The following MLLT3 variants were observed in gnomAD, a reference collection of about 807,000 sequenced individuals.
MLLT3 encodes MLLT3 super elongation complex subunit.
Under a neutral mutation model 53.2 loss-of-function variants are expected in MLLT3, and 4 were observed. The observed-to-expected ratio is 0.08, with a 90% confidence interval of 0.04 to 0.17. The LOEUF (loss-of-function observed/expected upper bound fraction) is 0.17, where lower values mean the gene tolerates loss of function less well. Among genes scored for constraint, MLLT3 ranks in the 10% least tolerant of loss-of-function variants. The pLI is 1.00. For missense variants in MLLT3, 569 were observed against 684.0 expected (o/e 0.83, Z 1.87); for synonymous variants, 283 against 230.6 (o/e 1.23, Z -2.06).
At chr9:20,465,872 G>A (rs1824225992) in intron 2 of MLLT3, among the ~76,000 whole-genome samples, 2 of 152,040 alleles carry the variant, frequency 1.3e-5, no homozygotes, top group South Asian at 4.1e-4. Flanking sequence ...ATATGATGAC[G>A]ACAGTTTATA....
At chr9:20,488,677 T>C (rs1013136713) in intron 2 of MLLT3, among the ~76,000 whole-genome samples, 2 of 152,188 alleles carry the variant, frequency 1.3e-5, no homozygotes, top group East Asian at 1.9e-4. Context: ...AAAGAGCTTC[T>C]GAAAGATTTG....
chr9:20,622,367 G>A lies in MLLT3; in HGVS notation c.-111C>T, dbSNP rs1327653274. The A allele has an allele frequency of 9.8e-7, 1 of 1,017,190 alleles. No homozygotes were observed. The highest frequency in any genetic ancestry group is 1.4e-6 in the Non-Finnish European group (1 of 714,160). The allele number at this position is 1,017,190 out of a possible 1,614,324, so 63.0% of individuals were successfully genotyped here. On this transcript the variant is annotated 5_prime_UTR_variant, in exon 1 of 11. Coordinates refer to ENST00000380338, the MANE Select transcript of MLLT3 (RefSeq NM_004529.4). ...GCTATGAATGAGAGCGCGCCCAGGA[G>A]CGGAGGGTAGATGGCGGACATTCTC...
At chr9:20,431,172 AC>A (rs997876997) in intron 4 of MLLT3, among the ~76,000 whole-genome samples, 1 of 152,154 alleles carries the variant, frequency 6.6e-6, no homozygotes, top group African/African-American at 2.4e-5. Context: ...CTGCTCTATG[AC>A]CCAGCAATTT....
rs1380812618 is a variant in MLLT3 at position 20,345,964 on chromosome 9, A to C, written c.*479T>G. 1 of 232,882 alleles carries C rather than the reference A, an allele frequency of 4.3e-6. No homozygotes were observed. The highest frequency in any genetic ancestry group is 2.2e-5 in the African/African-American group (1 of 45,224). The allele number at this position is 232,882 out of a possible 1,614,324, so 14.4% of individuals were successfully genotyped here. A position where few individuals can be genotyped will look rare whatever the true frequency, so the allele number is the denominator to read the frequency against. The stretch of plus-strand genomic sequence containing the variant: ...AGGGTGCTGCATTGAAAGAGCATCC[A>C]CGGGACCAAGTACTTATAATGTCTG... On this transcript the variant is annotated 3_prime_UTR_variant, in exon 11 of 11. Coordinates refer to ENST00000380338, the MANE Select transcript of MLLT3 (RefSeq NM_004529.4).
chr9:20,549,965 G>T (rs1186024043), intron 2 of MLLT3, among the ~76,000 whole-genome samples: 2 of 152,124 alleles, frequency 1.3e-5, no homozygotes, highest in Non-Finnish European at 2.9e-5. Context: ...TCATACAACT[G>T]AATGTTGATC....
At chr9:20,603,124 C>T (rs1272289133) in intron 2 of MLLT3, among the ~76,000 whole-genome samples, 1 of 152,172 alleles carries the variant, frequency 6.6e-6, no homozygotes, top group South Asian at 2.1e-4. Context: ...AAGAATCAAG[C>T]ACTTTTGAAA....
intron 2 of MLLT3, among the ~76,000 whole-genome samples, chr9:20,615,756 T>G (rs1352085340): frequency 1.3e-5 from 2 of 151,704 alleles, no homozygotes; most frequent in Non-Finnish European, 2.9e-5. Flanking sequence ...TCCTTCCCAT[T>G]CTCTCGTGAG....
At chr9:20,551,826 C>A (rs1359281822) in intron 2 of MLLT3, among the ~76,000 whole-genome samples, 1 of 152,086 alleles carries the variant, frequency 6.6e-6, no homozygotes, top group African/African-American at 2.4e-5. Flanking sequence ...TAACATTACA[C>A]CCTATAGACA....
intron 4 of MLLT3, among the ~76,000 whole-genome samples, chr9:20,420,269 T>C (rs951502139): frequency 1.1e-4 from 17 of 152,064 alleles, no homozygotes; most frequent in Admixed American, 2.6e-4. Context: ...TAACTTAGAA[T>C]AAAAATGGAA....
chr9:20,437,702 A>G (rs773092899), intron 4 of MLLT3, among the ~76,000 whole-genome samples: 4 of 152,214 alleles, frequency 2.6e-5, no homozygotes, highest in Non-Finnish European at 2.9e-5. Flanking sequence ...ACTGGAACAT[A>G]GTAGAAGGTA....
chr9:20,486,273 A>G (rs949112138), intron 2 of MLLT3, among the ~76,000 whole-genome samples: 3 of 152,152 alleles, frequency 2.0e-5, no homozygotes, highest in South Asian at 2.1e-4. Context: ...TGGAATAACT[A>G]TTTTCAAAAT....
In MLLT3 at chr9:20,565,909, A is replaced by AAT. The variant is rs1344321991; in HGVS notation, c.193+54743_193+54744dup. 1.6e-5 allele frequency among the ~76,000 whole-genome samples: 2 copies of AAT among 126,450 alleles called. 1 individual carries two copies. The highest frequency in any genetic ancestry group is 4.7e-4 in the South Asian group (2 of 4,300). 83.0% of individuals were successfully genotyped at this position (126,450 alleles called of 152,430 possible). A position where few individuals can be genotyped will look rare whatever the true frequency, so the allele number is the denominator to read the frequency against. On this transcript the variant is annotated intron_variant, in intron 2 of 10. Coordinates refer to ENST00000380338, the MANE Select transcript of MLLT3 (RefSeq NM_004529.4). ...CCTCCTTCCTCCTACTCAAGGAAAA[A>AAT]ATATATATATATTTATATATATATA...
At chr9:20,597,301 G>T (rs1820297978) in intron 2 of MLLT3, among the ~76,000 whole-genome samples, 1 of 151,160 alleles carries the variant, frequency 6.6e-6, no homozygotes, top group Admixed American at 6.6e-5. Flanking sequence ...GCCTTACAAA[G>T]GTGTCTTACT....
At position 20,448,631 on chromosome 9, in the gene MLLT3, T is replaced by C. The variant is rs1459806812; in HGVS notation, c.277-365A>G. On this transcript the variant is annotated intron_variant, in intron 3 of 10. Coordinates refer to ENST00000380338, the MANE Select transcript of MLLT3 (RefSeq NM_004529.4). This position sits in a 1 kb window ranked among gnomAD's most constrained non-coding sequence, Gnocchi z 4.0. ...AAGGCTGCCATTTTCTCCATAAATATTTCTTCAACAAGCCCTCTAACTCTT... is the reference window on the plus strand; with the variant it reads ...AAGGCTGCCATTTTCTCCATAAATACTTCTTCAACAAGCCCTCTAACTCTT... 1.3e-5 allele frequency among the ~76,000 whole-genome samples: 2 copies of C among 152,170 alleles called. No homozygotes were observed. Among genetic ancestry groups the C allele is most frequent in the Non-Finnish European group, 2.9e-5 (2 of 68,020 alleles).
intron 2 of MLLT3, among the ~76,000 whole-genome samples, chr9:20,462,764 C>T (rs1184144820): frequency 6.6e-6 from 1 of 152,134 alleles, no homozygotes; most frequent in East Asian, 1.9e-4. Context: ...TTTCCCACAC[C>T]TCCTCTCGTT....
At chr9:20,518,678 T>C (rs1817977708) in intron 2 of MLLT3, among the ~76,000 whole-genome samples, 1 of 152,220 alleles carries the variant, frequency 6.6e-6, no homozygotes, top group Non-Finnish European at 1.5e-5. Flanking sequence ...TCATGTACCA[T>C]GTACCCCTGA....
At chr9:20,491,567 C>T (rs1586991209) in intron 2 of MLLT3, among the ~76,000 whole-genome samples, 1 of 152,066 alleles carries the variant, frequency 6.6e-6, no homozygotes, top group Admixed American at 6.6e-5. Flanking sequence ...ATGGCATTTC[C>T]TACTCCTCAA....
At chr9:20,561,809 G>GA (rs1183839526) in intron 2 of MLLT3, among the ~76,000 whole-genome samples, 1 of 152,162 alleles carries the variant, frequency 6.6e-6, no homozygotes, top group Non-Finnish European at 1.5e-5. Context: ...CTCTGCTTAT[G>GA]AAATAAGAAC....
intron 2 of MLLT3, among the ~76,000 whole-genome samples, chr9:20,489,321 T>C (rs763346203): frequency 2.0e-5 from 3 of 152,320 alleles, no homozygotes; most frequent in Non-Finnish European, 4.4e-5. Flanking sequence ...CTATAAACAA[T>C]GTCATTAGAA....
Sources: allele counts gnomAD v4.1 joint callset (sites outside exome capture counted in the v4.1 genomes callset), GRCh38; gene constraint gnomAD v4.1.1; non-coding constraint Gnocchi (gnomAD v3.1); transcripts MANE v1.5; gene names NCBI Gene and HGNC (gene_info 2026-07-23, HGNC 2026-07-21).